NAALADL2: variants seen among roughly 807,000 people sequenced by gnomAD.
NAALADL2 encodes the protein inactive N-acetylated-alpha-linked acidic dipeptidase-like protein 2.
In NAALADL2, 76 loss-of-function variants were observed where a neutral mutation model predicts 87.2. That is an observed-to-expected ratio of 0.87 (90% confidence interval 0.72 to 1.05). NAALADL2 has a LOEUF of 1.05. Ranked by LOEUF, NAALADL2 falls within the 50% of genes least tolerant of loss-of-function variation. The pLI, the probability that NAALADL2 is intolerant of heterozygous loss-of-function variation, is 0.00. For missense variants in NAALADL2, 1,089 were observed against 945.8 expected (o/e 1.15, Z -1.99); for synonymous variants, 354 against 331.0 (o/e 1.07, Z -0.75).
intron 10 of NAALADL2, among the ~76,000 whole-genome samples, chr3:175,609,900 C>T (rs1724374383): frequency 6.6e-6 from 1 of 152,054 alleles, no homozygotes; most frequent in Admixed American, 6.6e-5. Flanking sequence ...GCACCAGTCT[C>T]TCAAAGTCTA....
At chr3:175,596,576 G>T (rs1722271306) in intron 10 of NAALADL2, among the ~76,000 whole-genome samples, 1 of 151,684 alleles carries the variant, frequency 6.6e-6, no homozygotes, top group Non-Finnish European at 1.5e-5. Flanking sequence ...TTCATCTTTT[G>T]AGCGAATCCA....
intron 2 of NAALADL2, among the ~76,000 whole-genome samples, chr3:175,170,332 CAT>C (rs947372061): frequency 5.3e-5 from 8 of 150,452 alleles, no homozygotes; most frequent in South Asian, 2.1e-4. Context: ...TATGTATAGA[CAT>C]ATATGAATTT....
At chr3:175,529,210 G>A (rs1733793729) in intron 9 of NAALADL2, among the ~76,000 whole-genome samples, 1 of 152,078 alleles carries the variant, frequency 6.6e-6, no homozygotes, top group East Asian at 1.9e-4. Context: ...TTGATATTCT[G>A]GGTCAGCCAC....
chr3:174,470,396 A>G (rs1272181829), intron 1 of NAALADL2, among the ~76,000 whole-genome samples: 1 of 152,102 alleles, frequency 6.6e-6, no homozygotes, highest in African/African-American at 2.4e-5. Flanking sequence ...GATTCTGGAT[A>G]ATTGTCCTTT....
At chr3:175,699,815 G>A (rs1738734152) in intron 11 of NAALADL2, among the ~76,000 whole-genome samples, 1 of 152,000 alleles carries the variant, frequency 6.6e-6, no homozygotes, top group South Asian at 2.1e-4. Context: ...ATTGTAATAG[G>A]TCCTCTTAAA....
intron 2 of NAALADL2, among the ~76,000 whole-genome samples, chr3:174,566,554 G>T (rs1212830692): frequency 6.6e-6 from 1 of 151,540 alleles, no homozygotes; most frequent in Non-Finnish European, 1.5e-5. Context: ...TATATAGACT[G>T]TTTTTCCTTT....
intron 10 of NAALADL2, among the ~76,000 whole-genome samples, chr3:175,600,738 C>T (rs1203740948): frequency 6.6e-6 from 1 of 151,512 alleles, no homozygotes; most frequent in African/African-American, 2.4e-5. Context: ...GGGTTTTCAC[C>T]GTGTTAGCCA....
chr3:175,084,880 G>A (rs1023249115), intron 1 of NAALADL2, among the ~76,000 whole-genome samples: 4 of 152,166 alleles, frequency 2.6e-5, no homozygotes, highest in Non-Finnish European at 5.9e-5. Context: ...TGCAAAATGT[G>A]TTTGGGGGAA....
rs1301595579 is a variant in NAALADL2, at chr3:175,530,436, G to A, written c.1654-45605G>A. 5.9e-5 allele frequency among the ~76,000 whole-genome samples: 9 copies of A among 152,260 alleles called. No homozygotes were observed. In the East Asian group the frequency reaches 1.4e-3, roughly 23 times the overall value. ...CATCTGGCCATTTCTCCTTCCATGC[G>A]ACGTGCACAATCAGGTGCACTGCTT... On this transcript the variant is annotated intron_variant, in intron 9 of 13. Transcript: ENST00000454872.
At chr3:175,334,467 A>G (rs541175351) in intron 5 of NAALADL2, among the ~76,000 whole-genome samples, 20 of 151,966 alleles carry the variant, frequency 1.3e-4, no homozygotes, top group Non-Finnish European at 2.9e-5. Context: ...TCAATCGACC[A>G]CCTCACTTCA....
At chr3:175,031,635 A>G (rs1327652988) in intron 1 of NAALADL2, among the ~76,000 whole-genome samples, 2 of 152,092 alleles carry the variant, frequency 1.3e-5, no homozygotes, top group Admixed American at 1.3e-4. Context: ...GTATATACCC[A>G]GTAGTGAGAT....
At chr3:174,912,429 G>A (rs1378016583) in intron 1 of NAALADL2, among the ~76,000 whole-genome samples, 2 of 151,982 alleles carry the variant, frequency 1.3e-5, no homozygotes, top group East Asian at 1.9e-4. Flanking sequence ...GGAAGAAAAC[G>A]TTTGTAAATC....
At chr3:174,691,025 C>T (rs1245129531) in intron 2 of NAALADL2, among the ~76,000 whole-genome samples, 6 of 152,120 alleles carry the variant, frequency 3.9e-5, no homozygotes, top group Non-Finnish European at 5.9e-5. Context: ...CTTCCCAACG[C>T]ATATAAAAGT....
chr3:174,873,924 T>C (rs892197431), intron 1 of NAALADL2, among the ~76,000 whole-genome samples: 2 of 151,886 alleles, frequency 1.3e-5, no homozygotes, highest in Non-Finnish European at 2.9e-5. Flanking sequence ...ATGAAAAGGG[T>C]ATTTCAAGAA....
intron 12 of NAALADL2, among the ~76,000 whole-genome samples, chr3:175,743,758 T>C (rs1745564832): frequency 6.6e-6 from 1 of 152,152 alleles, no homozygotes; most frequent in Non-Finnish European, 1.5e-5. Context: ...AGTCAGCAAG[T>C]TGGATTCGTG....
At position 175,602,817 on chromosome 3, in the gene NAALADL2, T is replaced by C. The variant is rs75696123; in HGVS notation, c.1801-24474T>C. Among the ~76,000 whole-genome samples the C allele has an allele frequency of 9.8e-5, 15 of 152,286 alleles. No individual in the cohort carries two copies. The East Asian group carries it at 2.9e-3, about 29-fold the overall frequency. On this transcript the variant is annotated intron_variant, in intron 10 of 13. Transcript: ENST00000454872. ...AATTCCATATGCAGGGTTTGTAACA[T>C]TTTCAAGCTTACAGAAAAGTTGCAA... is the stretch of plus-strand genomic sequence containing the variant.
intron 2 of NAALADL2, among the ~76,000 whole-genome samples, chr3:175,208,925 T>TCA (rs1303529454): frequency 1.3e-5 from 2 of 152,192 alleles, no homozygotes; most frequent in African/African-American, 2.4e-5. Context: ...GTTTGCCTTC[T>TCA]CAGTTATAGA....
intron 2 of NAALADL2, among the ~76,000 whole-genome samples, chr3:174,629,825 A>G (rs1406254068): frequency 2.0e-5 from 3 of 152,216 alleles, no homozygotes; most frequent in Non-Finnish European, 2.9e-5. Context: ...CACAAAGCCA[A>G]TATTCAGCTA....
chr3:175,794,642 TGA>T (rs1753228652), intron 13 of NAALADL2, among the ~76,000 whole-genome samples: 2 of 152,350 alleles, frequency 1.3e-5, no homozygotes, highest in South Asian at 4.1e-4. Flanking sequence ...TTAGATGGAC[TGA>T]GAACTCTTGA....
Sources: gnomAD v4.1 joint callset for allele counts (sites outside exome capture counted in the v4.1 genomes callset) on GRCh38, gnomAD v4.1.1 for gene constraint, MANE v1.5 for transcripts, NCBI Gene and HGNC (gene_info 2026-07-23, HGNC 2026-07-21) for gene names.